Variants in ZNF346 observed in about 807,000 individuals in gnomAD.
The protein encoded by ZNF346 is double-stranded RNA-binding zinc finger protein JAZ.
In ZNF346, 23 loss-of-function variants were observed where a neutral mutation model predicts 33.7. That is an observed-to-expected ratio of 0.68 (90% confidence interval 0.49 to 0.97). ZNF346 has a LOEUF of 0.97. ZNF346 is among the 50% of genes least tolerant of loss of function. The pLI is 0.00. For synonymous variants in ZNF346, 134 were observed against 142.4 expected (o/e 0.94, Z 0.42); for missense variants, 340 against 371.1 (o/e 0.92, Z 0.69).
At chr5:177,068,841 CT>C (rs532710818), downstream of ZNF346, among the ~76,000 whole-genome samples, 650 of 143,258 alleles carry the variant, frequency 4.5e-3, 151 homozygotes, top group African/African-American at 0.018. Flanking sequence ...TAACTGTTTC[CT>C]TTTTTTCTCT....
intron 8 of ZNF346, among the ~76,000 whole-genome samples, chr5:177,078,669 T>C (rs1783862901): frequency 6.6e-6 from 1 of 152,174 alleles, no homozygotes; most frequent in Admixed American, 6.5e-5. Context: ...CCCAGCACTT[T>C]GGGAGGCCAA....
chr5:177,028,496 T>TTATGTATATATATATATATATATATA (rs1777162352), intron 1 of ZNF346, among the ~76,000 whole-genome samples: 1 of 90,540 alleles, frequency 1.1e-5, no homozygotes, highest in Non-Finnish European at 2.0e-5. Context: ...TTGTGACGTT[T>TTATGTATATATATATATATATATATA]TATATATATA....
At chr5:177,037,834 G>A (rs954316810) in intron 1 of ZNF346, among the ~76,000 whole-genome samples, 58 of 152,056 alleles carry the variant, frequency 3.8e-4, no homozygotes, top group African/African-American at 1.4e-3. Context: ...AATAAAATCC[G>A]TAGTTCATAC....
downstream of ZNF346, among the ~76,000 whole-genome samples, chr5:177,072,495 C>T (rs1237365674): frequency 6.6e-6 from 1 of 152,184 alleles, no homozygotes; most frequent in African/African-American, 2.4e-5. Flanking sequence ...TGAGTAATCA[C>T]AGTCATAGTC....
chr5:177,071,377 AAAAG>A (rs933860093), downstream of ZNF346, among the ~76,000 whole-genome samples: 34 of 151,694 alleles, frequency 2.2e-4, no homozygotes, highest in East Asian at 7.8e-4. Flanking sequence ...AAAAAAAAAA[AAAAG>A]AAAGAAAGAA....
At chr5:177,056,485 A>G (rs546374144) in intron 5 of ZNF346, among the ~76,000 whole-genome samples, 1 of 152,356 alleles carries the variant, frequency 6.6e-6, no homozygotes, top group African/African-American at 2.4e-5. Context: ...TTGCGGCACT[A>G]TTCACAATAG....
In ZNF346 at chr5:177,049,317, G is replaced by A. The variant is rs1372173819; in HGVS notation, c.518-1434G>A. ...CAGTTGAAGTGATACAGGTATGGAA[G>A]AGCATCTGAGACATATCATCTGTGA... On this transcript the variant is annotated intron_variant, in intron 4 of 6. Transcript: ENST00000358149. Among the ~76,000 whole-genome samples the A allele has an allele frequency of 2.0e-5, 3 of 152,320 alleles. No individual in the cohort carries two copies. The East Asian group carries it at 5.8e-4, about 29-fold the overall frequency.
intron 1 of ZNF346, among the ~76,000 whole-genome samples, chr5:177,034,505 G>T (rs1778201328): frequency 1.3e-5 from 2 of 152,066 alleles, no homozygotes; most frequent in African/African-American, 4.8e-5. Context: ...GGGATTATAG[G>T]CATGAACCAT....
In ZNF346 at chr5:177,053,914, C is replaced by G. The variant is rs2149678022; in HGVS notation, c.703+2978C>G. 1.3e-5 allele frequency among the ~76,000 whole-genome samples: 2 copies of G among 152,172 alleles called. 1 individual carries two copies. The highest frequency in any genetic ancestry group is 4.1e-4 in the South Asian group (2 of 4,820). ...TATACGGTGTTTTTCTCTCTGAGAA[C>G]CAACATGGCTAAGGCACTAATGAGC... On this transcript the variant is annotated intron_variant, in intron 5 of 6. Transcript: ENST00000358149.
At position 177,042,687 on chromosome 5, in the gene ZNF346, CTTA is replaced by C. The variant is rs540159769; in HGVS notation, c.372+823_372+825del. Among the ~76,000 whole-genome samples, 354 of 152,186 alleles carry C rather than the reference CTTA, an allele frequency of 2.3e-3. 3 individuals carry two copies. Among genetic ancestry groups the C allele is most frequent in the African/African-American group, 8.1e-3 (335 of 41,538 alleles). On this transcript the variant is annotated intron_variant, in intron 3 of 6. Coordinates refer to ENST00000358149, the MANE Select transcript of ZNF346 (RefSeq NM_012279.4). ...TTACTGGACTCATCCCCTGGTTTCC[CTTA>C]TTATTTATTTATTTATCCCTGGTTT...
At chr5:177,050,150 C>T (rs2149664522) in intron 4 of ZNF346, among the ~76,000 whole-genome samples, 1 of 152,318 alleles carries the variant, frequency 6.6e-6, no homozygotes, top group South Asian at 2.1e-4. Flanking sequence ...TAATGGTCCT[C>T]TTTTCTCTCT....
chr5:177,023,141 CCTT>C (rs1200296233), intron 1 of ZNF346: 31 of 1,408,482 alleles, frequency 2.2e-5, no homozygotes, highest in Non-Finnish European at 2.7e-5. Flanking sequence ...TCCTCCTCCT[CCTT>C]CATCATTCAC....
chr5:177,037,493 C>G (rs1778668629), intron 1 of ZNF346, among the ~76,000 whole-genome samples: 1 of 152,204 alleles, frequency 6.6e-6, no homozygotes, highest in Non-Finnish European at 1.5e-5. Flanking sequence ...GGCTATCTTC[C>G]CCTAGTTCTA....
At chr5:177,061,128 G>C (rs547735977) in intron 5 of ZNF346, among the ~76,000 whole-genome samples, 38 of 150,360 alleles carry the variant, frequency 2.5e-4, no homozygotes, top group African/African-American at 8.8e-4. Flanking sequence ...ACAAGTTGCG[G>C]TGTAATTGGT....
chr5:177,071,569 C>T (rs2149717968), downstream of ZNF346, among the ~76,000 whole-genome samples: 1 of 151,326 alleles, frequency 6.6e-6, no homozygotes, highest in Non-Finnish European at 1.5e-5. Flanking sequence ...GCCTGTAGTC[C>T]CAGCTACCGG....
chr5:177,073,964 T>G (rs1783629228), intron 8 of ZNF346, among the ~76,000 whole-genome samples: 2 of 151,982 alleles, frequency 1.3e-5, no homozygotes, highest in South Asian at 4.2e-4. Flanking sequence ...TTCCTGACCC[T>G]GTGAAAGGAA....
rs538244653 is a variant in ZNF346, at chr5:177,027,369, C to A, written c.175+4456C>A. Among the ~76,000 whole-genome samples the A allele has an allele frequency of 2.0e-5, 3 of 152,112 alleles. No individual in the cohort carries two copies. In the South Asian group the frequency reaches 6.2e-4, roughly 32 times the overall value. On this transcript the variant is annotated intron_variant, in intron 1 of 6. Transcript: ENST00000358149. ...CAGCCGATAAAAGTTATTTTCTGACCTGCCTGGGCAACGTGGAGAAACCCT... is the reference window on the plus strand; with the variant it reads ...CAGCCGATAAAAGTTATTTTCTGACATGCCTGGGCAACGTGGAGAAACCCT...
chr5:177,031,105 G>A (rs1003745763), intron 1 of ZNF346, among the ~76,000 whole-genome samples: 8 of 152,042 alleles, frequency 5.3e-5, no homozygotes, highest in Admixed American at 1.3e-4. Context: ...GCGCGATCTC[G>A]GCTCACTGCA....
At chr5:177,030,348 C>T (rs997211726) in intron 1 of ZNF346, among the ~76,000 whole-genome samples, 12 of 151,782 alleles carry the variant, frequency 7.9e-5, no homozygotes, top group Admixed American at 3.9e-4. Flanking sequence ...GGGCTGGGGG[C>T]GGTGGCTCAC....
Sources: gnomAD v4.1 joint callset for allele counts (sites outside exome capture counted in the v4.1 genomes callset) on GRCh38, gnomAD v4.1.1 for gene constraint, MANE v1.5 for transcripts, NCBI Gene and HGNC (gene_info 2026-07-23, HGNC 2026-07-21) for gene names.